The following SLC7A14 variants were observed in gnomAD, a reference collection of about 807,000 sequenced individuals.
The protein encoded by SLC7A14 is gamma-aminobutyric acid transporter SLC7A14.
Under a neutral mutation model 60.2 loss-of-function variants are expected in SLC7A14, and 37 were observed. The observed-to-expected ratio is 0.61, with a 90% CI of 0.47 to 0.81. The LOEUF (loss-of-function observed/expected upper bound fraction) is 0.81. Ranked by LOEUF, SLC7A14 falls within the 30% of genes least tolerant of loss-of-function variation. The pLI is 0.00. For missense variants in SLC7A14, 886 were observed against 982.7 expected (o/e 0.90, Z 1.32); for synonymous variants, 399 against 395.8 (o/e 1.01, Z -0.10).
At chr3:170,481,287 C>T (rs1301798467) in intron 6 of SLC7A14, 121 bp from the exon 7 acceptor site, 5 of 1,048,914 alleles carry the variant, frequency 4.8e-6, no homozygotes, top group Non-Finnish European at 6.8e-6. Context: ...TGGTCCTGCT[C>T]CACCAATTTA....
chr3:170,537,681 A>G (rs1358850664), intron 1 of SLC7A14, among the ~76,000 whole-genome samples: 3 of 152,260 alleles, frequency 2.0e-5, no homozygotes, highest in African/African-American at 7.2e-5. Flanking sequence ...TTGTCTGTCA[A>G]GAATACTCAT....
intron 4 of SLC7A14, among the ~76,000 whole-genome samples, chr3:170,492,053 C>A (rs1003272272): frequency 6.6e-6 from 1 of 152,164 alleles, no homozygotes; most frequent in Non-Finnish European, 1.5e-5. Context: ...TTGGTAAATA[C>A]AAAGACCCAT....
intron 7 of SLC7A14, among the ~76,000 whole-genome samples, chr3:170,477,958 C>T (rs1711677430): frequency 6.6e-6 from 1 of 152,210 alleles, no homozygotes. Flanking sequence ...TGAAATATTT[C>T]TACCCACTTC....
intron 2 of SLC7A14, among the ~76,000 whole-genome samples, chr3:170,512,692 C>T (rs1227525058): frequency 9.7e-6 from 1 of 102,786 alleles, no homozygotes; most frequent in Non-Finnish European, 1.8e-5. Context: ...GAGACGGAGT[C>T]TCGCTCTGTC....
intron 1 of SLC7A14, among the ~76,000 whole-genome samples, chr3:170,540,010 T>C (rs950799988): frequency 1.3e-5 from 2 of 152,148 alleles, no homozygotes; most frequent in Admixed American, 1.3e-4. Flanking sequence ...TAATACAATG[T>C]ACAGTCGATC....
chr3:170,579,729 T>C (rs1048764090), intron 1 of SLC7A14, among the ~76,000 whole-genome samples: 1 of 152,242 alleles, frequency 6.6e-6, no homozygotes, highest in Admixed American at 6.5e-5. Context: ...GCTAAGCTTC[T>C]TCTGAATTTA....
Position 170,483,480 on chromosome 3 carries a change from C to T in SLC7A14, c.949G>A (p.Asp317Asn). 6.2e-7 allele frequency: 1 copy of T among 1,614,174 alleles called. No individual in the cohort carries two copies. ...ATCTCCATGAGTGGGGATTCCGTGT[C>T]AATGGTATAATATGGCACCATCAGA... ...LTLMVPYYTI[D>N]TESPLMEMFV... is the part of the protein sequence containing the mutation. Residue 317 changes from aspartate (D) to asparagine (N), a missense_variant, in exon 6 of 8, where the codon GAC becomes AAC. By Grantham distance (23) the Asp-to-Asn change is conservative. Transcript: ENST00000231706.
At chr3:170,540,091 A>G (rs1047354940) in intron 1 of SLC7A14, among the ~76,000 whole-genome samples, 2 of 152,150 alleles carry the variant, frequency 1.3e-5, no homozygotes, top group African/African-American at 4.8e-5. Flanking sequence ...GATACCTTGG[A>G]CAAAGGAATG....
chr3:170,563,365 G>A (rs748710469), intron 1 of SLC7A14, among the ~76,000 whole-genome samples: 3 of 149,852 alleles, frequency 2.0e-5, no homozygotes, highest in Non-Finnish European at 4.4e-5. Context: ...TGGGCCTCCT[G>A]CTGCAAAAAA....
At chr3:170,495,253 A>C (rs961944525) in intron 4 of SLC7A14, among the ~76,000 whole-genome samples, 1 of 152,266 alleles carries the variant, frequency 6.6e-6, no homozygotes, top group Non-Finnish European at 1.5e-5. Flanking sequence ...CTGAAAGCAC[A>C]GAAGTTAATT....
chr3:170,484,122 C>A (rs899064366), intron 5 of SLC7A14, among the ~76,000 whole-genome samples: 1 of 152,190 alleles, frequency 6.6e-6, no homozygotes, highest in Non-Finnish European at 1.5e-5. Flanking sequence ...GGCAGGCCAA[C>A]AGACAAATGA....
At chr3:170,548,605 C>A (rs1714245370) in intron 1 of SLC7A14, among the ~76,000 whole-genome samples, 1 of 152,220 alleles carries the variant, frequency 6.6e-6, no homozygotes, top group Non-Finnish European at 1.5e-5. Flanking sequence ...AACTGGGAAA[C>A]TTAACAAAAT....
intron 4 of SLC7A14, chr3:170,496,775 G>C (rs993775251): frequency 1.4e-6 from 1 of 722,184 alleles, no homozygotes; most frequent in African/African-American, 1.7e-5. Context: ...TCTGTCGCGG[G>C]CTCCAGCTCA....
chr3:170,494,745 G>A (rs1418521388), intron 4 of SLC7A14, among the ~76,000 whole-genome samples: 1 of 152,194 alleles, frequency 6.6e-6, no homozygotes, highest in African/African-American at 2.4e-5. Flanking sequence ...CAATGCATAT[G>A]CAGCCTGGGT....
chr3:170,565,773 C>G lies in SLC7A14; in HGVS notation c.-153+20138G>C, dbSNP rs183886114. Reference sequence around the variant, plus strand: ...GTGGATAAACAGATGATCTCAGCTTCTGGTCCTATTGAATGACCCCTTCCC... The same window carrying G: ...GTGGATAAACAGATGATCTCAGCTTGTGGTCCTATTGAATGACCCCTTCCC... On this transcript the variant is annotated intron_variant, in intron 1 of 7. Transcript: ENST00000231706. Among the ~76,000 whole-genome samples the G allele has an allele frequency of 1.6e-3, 249 of 152,218 alleles. 2 individuals are homozygous for G. Among genetic ancestry groups the G allele is most frequent in the African/African-American group, 5.7e-3 (238 of 41,526 alleles).
chr3:170,466,995 C>A lies in SLC7A14; in HGVS notation c.*60G>T. 1 of 1,445,056 alleles carries A rather than the reference C, an allele frequency of 6.9e-7. No individual in the cohort carries two copies. Among genetic ancestry groups the A allele is most frequent in the East Asian group, 2.3e-5 (1 of 43,626 alleles). The allele number at this position is 1,445,056 out of a possible 1,614,324, so 89.5% of individuals were successfully genotyped here. A position where few individuals can be genotyped will look rare whatever the true frequency, so the allele number is the denominator to read the frequency against. ...AGCCAAAAAAGTTTTCACCTTCTAG[C>A]CCACAGGTTAAGTTACTGAAAATCA... On this transcript the variant is annotated 3_prime_UTR_variant, in exon 8 of 8. Coordinates refer to ENST00000231706, the MANE Select transcript of SLC7A14 (RefSeq NM_020949.3).
At chr3:170,513,373 A>G (rs1442548803) in intron 2 of SLC7A14, among the ~76,000 whole-genome samples, 2 of 152,236 alleles carry the variant, frequency 1.3e-5, no homozygotes, top group African/African-American at 4.8e-5. Flanking sequence ...AGTCAAAGAA[A>G]TGATAAGCTA....
chr3:170,472,299 G>A (rs897299255), intron 7 of SLC7A14, among the ~76,000 whole-genome samples: 2 of 151,440 alleles, frequency 1.3e-5, no homozygotes, highest in African/African-American at 4.9e-5. Flanking sequence ...AACCCAGGAG[G>A]TGGAGGTTGC....
At chr3:170,491,338 A>G (rs1712212451) in intron 4 of SLC7A14, among the ~76,000 whole-genome samples, 1 of 152,218 alleles carries the variant, frequency 6.6e-6, no homozygotes, top group African/African-American at 2.4e-5. Context: ...ACTTGCAAAG[A>G]GGATGTCTCT....
Sources: gnomAD v4.1 joint callset for allele counts (sites outside exome capture counted in the v4.1 genomes callset) on GRCh38, gnomAD v4.1.1 for gene constraint, MANE v1.5 for transcripts, NCBI Gene and HGNC (gene_info 2026-07-23, HGNC 2026-07-21) for gene names.